Variants in ADAM32 observed in about 807,000 individuals in gnomAD.
The protein encoded by ADAM32 is disintegrin and metalloproteinase domain-containing protein 32.
A neutral mutation model predicts 114.9 loss-of-function variants in ADAM32; 89 were observed. That is an observed-to-expected ratio of 0.77 (90% CI 0.65 to 0.92). The LOEUF (loss-of-function observed/expected upper bound fraction) is 0.92. Among genes scored for constraint, ADAM32 ranks in the 40% least tolerant of loss-of-function variants. The pLI is 0.00. For synonymous variants in ADAM32, 285 were observed against 307.5 expected, an observed-to-expected ratio of 0.93 and a Z score of 0.77; for missense variants, 870 against 932.8, an observed-to-expected ratio of 0.93 and a Z score of 0.88.
intron 6 of ADAM32, among the ~76,000 whole-genome samples, chr8:39,160,108 C>T (rs13260758): frequency 0.017 from 2,630 of 152,218 alleles, 36 homozygotes; most frequent in Non-Finnish European, 0.029. Flanking sequence ...TGAAAGGCGA[C>T]TTAGGCTCAA....
At chr8:39,212,858 G>C (rs1412838490) in intron 12 of ADAM32, among the ~76,000 whole-genome samples, 1 of 152,112 alleles carries the variant, frequency 6.6e-6, no homozygotes, top group Non-Finnish European at 1.5e-5. Context: ...TTACACTCCT[G>C]TCAGCAGCAT....
intron 1 of ADAM32, among the ~76,000 whole-genome samples, chr8:39,116,203 G>T (rs1228795587): frequency 6.6e-6 from 1 of 152,164 alleles, no homozygotes; most frequent in Non-Finnish European, 1.5e-5. Flanking sequence ...GCTTAGGATT[G>T]CTTTGGCTCT....
intron 11 of ADAM32, among the ~76,000 whole-genome samples, chr8:39,200,439 T>C (rs532755893): frequency 1.9e-5 from 2 of 107,290 alleles, no homozygotes; most frequent in East Asian, 5.8e-4. Flanking sequence ...AAGTGTCTGT[T>C]CATCTCCTTC....
At chr8:39,187,080 A>G (rs778212825) in intron 11 of ADAM32, 35 bp downstream of exon 11, 11 of 1,550,276 alleles carry the variant, frequency 7.1e-6, no homozygotes, top group Non-Finnish European at 9.6e-6. Flanking sequence ...GCTTATGTTT[A>G]TTTCATTTTA....
At chr8:39,232,280 A>C (rs1809792659) in intron 15 of ADAM32, 145 bp downstream of exon 15, 1 of 562,814 alleles carries the variant, frequency 1.8e-6, no homozygotes, top group Non-Finnish European at 3.0e-6. Flanking sequence ...CCCAGCCCTG[A>C]CACCTCTTTT....
At chr8:39,240,383 T>C (rs1810480217) in intron 16 of ADAM32, among the ~76,000 whole-genome samples, 1 of 152,170 alleles carries the variant, frequency 6.6e-6, no homozygotes, top group South Asian at 2.1e-4. Flanking sequence ...TGAATGATAA[T>C]AGTGACACAA....
At chr8:39,172,432 T>C (rs1160875002) in intron 10 of ADAM32, among the ~76,000 whole-genome samples, 2 of 152,200 alleles carry the variant, frequency 1.3e-5, no homozygotes, top group African/African-American at 2.4e-5. Context: ...AACCTATCAC[T>C]TAAGTATTAA....
intron 7 of ADAM32, among the ~76,000 whole-genome samples, chr8:39,161,788 G>C (rs1235108684): frequency 6.6e-6 from 1 of 152,016 alleles, no homozygotes; most frequent in African/African-American, 2.4e-5. Context: ...TGATTAATTA[G>C]AGTACAGGGA....
At chr8:39,159,830 G>A (rs1804379299) in intron 6 of ADAM32, among the ~76,000 whole-genome samples, 1 of 152,040 alleles carries the variant, frequency 6.6e-6, no homozygotes, top group African/African-American at 2.4e-5. Flanking sequence ...CCTCTGGCAC[G>A]GGAAAGCCAC....
intron 11 of ADAM32, among the ~76,000 whole-genome samples, chr8:39,196,616 G>A (rs1361066110): frequency 6.6e-6 from 1 of 152,036 alleles, no homozygotes; most frequent in East Asian, 1.9e-4. Context: ...CCTTCATTCT[G>A]TTGATGTGAT....
At chr8:39,186,028 G>T (rs559976225) in intron 10 of ADAM32, among the ~76,000 whole-genome samples, 39 of 152,292 alleles carry the variant, frequency 2.6e-4, no homozygotes, top group African/African-American at 9.1e-4. Context: ...GTAGGTTCCA[G>T]CTTGGTCCTC....
chr8:39,215,021 T>G (rs6988368), intron 12 of ADAM32, among the ~76,000 whole-genome samples: 146,360 of 152,088 alleles, frequency 0.96, 70,702 homozygotes, highest in East Asian at 1. Context: ...TTGTTTCTGG[T>G]TTCTCTATTC....
chr8:39,134,615 C>T (rs1473535949), intron 2 of ADAM32, among the ~76,000 whole-genome samples: 21 of 152,152 alleles, frequency 1.4e-4, no homozygotes, highest in Admixed American at 1.3e-3. Flanking sequence ...GAGGCAAACA[C>T]AAATTTACCA....
intron 2 of ADAM32, among the ~76,000 whole-genome samples, chr8:39,124,389 T>C (rs1168031951): frequency 6.6e-6 from 1 of 150,464 alleles, no homozygotes; most frequent in Non-Finnish European, 1.5e-5. Flanking sequence ...TATTCCATGG[T>C]ATAGATTTAC....
chr8:39,263,138 G>A (rs1384672517), intron 19 of ADAM32, among the ~76,000 whole-genome samples: 4 of 152,088 alleles, frequency 2.6e-5, no homozygotes, highest in African/African-American at 9.7e-5. Flanking sequence ...TTACAGTGAT[G>A]TTCTACATGT....
intron 1 of ADAM32, among the ~76,000 whole-genome samples, chr8:39,109,204 G>GA (rs1840052210): frequency 6.6e-6 from 1 of 152,134 alleles, no homozygotes; most frequent in Admixed American, 6.5e-5. Context: ...TAACATATTA[G>GA]AAATTAAAAT....
intron 19 of ADAM32, among the ~76,000 whole-genome samples, chr8:39,260,913 G>A (rs898913726): frequency 6.6e-6 from 1 of 151,490 alleles, no homozygotes; most frequent in Non-Finnish European, 1.5e-5. Flanking sequence ...TTTTTTAATT[G>A]CAAGTTTTAT....
At chr8:39,112,309 A>G (rs1840196544) in intron 1 of ADAM32, among the ~76,000 whole-genome samples, 1 of 152,282 alleles carries the variant, frequency 6.6e-6, no homozygotes, top group Non-Finnish European at 1.5e-5. Flanking sequence ...TATTTTGGAT[A>G]TTAATCATTT....
chr8:39,133,505 G>C (rs1010106941), intron 2 of ADAM32, among the ~76,000 whole-genome samples: 2 of 152,230 alleles, frequency 1.3e-5, no homozygotes, highest in Non-Finnish European at 2.9e-5. Flanking sequence ...GGCAGTGGCA[G>C]GTCAGGTGGA....
Sources: allele counts gnomAD v4.1 joint callset (sites outside exome capture counted in the v4.1 genomes callset), GRCh38; gene constraint gnomAD v4.1.1; transcripts MANE v1.5; gene names NCBI Gene and HGNC (gene_info 2026-07-23, HGNC 2026-07-21).